SLC35F4: variants seen among roughly 807,000 people sequenced by gnomAD.
The protein encoded by SLC35F4 is solute carrier family 35 member F4.
In SLC35F4, 24 loss-of-function variants were observed where a neutral mutation model predicts 44.2. The observed-to-expected ratio is 0.54, with a 90% CI of 0.39 to 0.76. SLC35F4 has a LOEUF of 0.76. SLC35F4 is among the 30% of genes least tolerant of loss of function. The pLI is 0.00. For synonymous variants in SLC35F4, 238 were observed against 223.6 expected, an observed-to-expected ratio of 1.06 and a Z score of -0.57; for missense variants, 562 against 586.1, an observed-to-expected ratio of 0.96 and a Z score of 0.42.
chr14:57,965,538 T>A (rs1381178180), intron 1 of SLC35F4, among the ~76,000 whole-genome samples: 1 of 152,156 alleles, frequency 6.6e-6, no homozygotes, highest in Non-Finnish European at 1.5e-5. Flanking sequence ...GGGGAGGCAA[T>A]TTTTCTGTCA....
rs1463818058 is a variant in SLC35F4 at position 57,947,265 on chromosome 14, GGTTT to G, written n.282+34644_282+34647del. On this transcript the variant is annotated intron_variant and non_coding_transcript_variant, in intron 1 of 1. Transcript: ENST00000556568. ...GTGGGTTTTTTGTTTTTTTTTTTTT[GGTTT>G]GTTTGTTTGTTTGTTGGGAGCTGTT... 1.6e-3 allele frequency among the ~76,000 whole-genome samples: 217 copies of G among 132,892 alleles called. 2 individuals carry two copies. Among genetic ancestry groups the G allele is most frequent in the East Asian group, 4.9e-3 (19 of 3,856 alleles). The allele number at this position is 132,892 out of a possible 152,430, so 87.2% of individuals were successfully genotyped here.
intron 1 of SLC35F4, among the ~76,000 whole-genome samples, chr14:57,833,965 A>G (rs1289000498): frequency 6.6e-6 from 1 of 152,226 alleles, no homozygotes; most frequent in Non-Finnish European, 1.5e-5. Flanking sequence ...CCCTCTCTTC[A>G]CATGTTAAAA....
chr14:57,784,733 A>C (rs1160194298), intron 1 of SLC35F4, among the ~76,000 whole-genome samples: 1 of 152,116 alleles, frequency 6.6e-6, no homozygotes, highest in Non-Finnish European at 1.5e-5. Context: ...AGTCAAACAA[A>C]AATAACGATG....
chr14:57,844,376 C>T (rs761616105), intron 1 of SLC35F4, among the ~76,000 whole-genome samples: 1 of 152,084 alleles, frequency 6.6e-6, no homozygotes, highest in African/African-American at 2.4e-5. Context: ...CCAATGGGGT[C>T]GATGTTGAAG....
At chr14:57,784,284 C>CTTTTT (rs2077702799) in intron 1 of SLC35F4, among the ~76,000 whole-genome samples, 2 of 152,104 alleles carry the variant, frequency 1.3e-5, no homozygotes, top group South Asian at 4.2e-4. Flanking sequence ...CTAAAGGGTC[C>CTTTTT]CAATTATTCA....
At chr14:57,927,484 ACTTTT>A (rs1233509808) in intron 1 of SLC35F4, among the ~76,000 whole-genome samples, 1 of 144,104 alleles carries the variant, frequency 6.9e-6, no homozygotes, top group African/African-American at 2.6e-5. Context: ...TTTTTTAATT[ACTTTT>A]CTTCTTCTTT....
At chr14:57,744,866 C>G (rs1193430817) in intron 1 of SLC35F4, among the ~76,000 whole-genome samples, 1 of 152,300 alleles carries the variant, frequency 6.6e-6, no homozygotes, top group Admixed American at 6.5e-5. Flanking sequence ...GTAGCCAAAA[C>G]AGCATGGTAC....
chr14:57,710,406 G>A (rs2075788325), intron 1 of SLC35F4, among the ~76,000 whole-genome samples: 1 of 152,100 alleles, frequency 6.6e-6, no homozygotes, highest in African/African-American at 2.4e-5. Flanking sequence ...CTTCCGCTAG[G>A]GCAGTGCAGA....
intron 1 of SLC35F4, among the ~76,000 whole-genome samples, chr14:57,779,464 C>G (rs1355906108): frequency 6.6e-6 from 1 of 152,056 alleles, no homozygotes; most frequent in African/African-American, 2.4e-5. Context: ...AGACCAATAA[C>G]AAGCTCTGAA....
chr14:57,682,456 G>C (rs2074936221), intron 1 of SLC35F4, among the ~76,000 whole-genome samples: 1 of 152,050 alleles, frequency 6.6e-6, no homozygotes, highest in South Asian at 2.1e-4. Flanking sequence ...AGAATATATG[G>C]ACACAGGGAG....
At chr14:57,596,844 C>T (rs759556425) in intron 1 of SLC35F4, 3 of 1,367,578 alleles carry the variant, frequency 2.2e-6, no homozygotes, top group Middle Eastern at 2.1e-4. Flanking sequence ...TGCCTGCTGC[C>T]AGCTGCCTCC....
intron 1 of SLC35F4, among the ~76,000 whole-genome samples, chr14:57,885,131 C>T (rs907106873): frequency 6.6e-6 from 1 of 152,138 alleles, no homozygotes; most frequent in Non-Finnish European, 1.5e-5. Flanking sequence ...CCCCAACACA[C>T]TTTACAATTC....
chr14:57,664,172 G>C (rs1018014200), intron 1 of SLC35F4, among the ~76,000 whole-genome samples: 8 of 152,130 alleles, frequency 5.3e-5, no homozygotes, highest in African/African-American at 1.9e-4. Context: ...AGTTACCAGA[G>C]ACAGATGTGC....
intron 1 of SLC35F4, among the ~76,000 whole-genome samples, chr14:57,710,311 C>A (rs1218187653): frequency 3.9e-5 from 6 of 152,204 alleles, no homozygotes; most frequent in Non-Finnish European, 5.9e-5. Context: ...GCTTTTGGAA[C>A]CTCTGCCTAG....
chr14:57,737,436 C>A (rs1292217222), intron 1 of SLC35F4, among the ~76,000 whole-genome samples: 1 of 152,132 alleles, frequency 6.6e-6, no homozygotes, highest in Non-Finnish European at 1.5e-5. Flanking sequence ...AGCTTGCCAT[C>A]ATCTTTTGAC....
rs185384616 is a variant in SLC35F4, at chr14:57,682,299, G to A, written c.104-88175C>T. Among the ~76,000 whole-genome samples the A allele has an allele frequency of 1.2e-4, 18 of 152,274 alleles. No individual in the cohort carries two copies. In the East Asian group the frequency reaches 2.9e-3, roughly 25 times the overall value. On this transcript the variant is annotated intron_variant, in intron 1 of 7. Transcript: ENST00000556826. Reference sequence around the variant, plus strand: ...AGAAAATGTGGCACATATACACCACGGAATACTATGTAGCCATAAAAAAGA... The same window carrying A: ...AGAAAATGTGGCACATATACACCACAGAATACTATGTAGCCATAAAAAAGA...
intron 1 of SLC35F4, among the ~76,000 whole-genome samples, chr14:57,638,189 G>A (rs2073087714): frequency 6.6e-6 from 1 of 152,090 alleles, no homozygotes. Context: ...TGACACCCTT[G>A]TTCCACAAGC....
chr14:57,701,314 A>G (rs942526434), intron 1 of SLC35F4, among the ~76,000 whole-genome samples: 1 of 152,202 alleles, frequency 6.6e-6, no homozygotes, highest in Admixed American at 6.6e-5. Flanking sequence ...TCCTATGATA[A>G]CAATGCCTTC....
intron 1 of SLC35F4, among the ~76,000 whole-genome samples, chr14:57,959,306 T>C (rs552206214): frequency 6.6e-6 from 1 of 152,358 alleles, no homozygotes; most frequent in East Asian, 1.9e-4. Context: ...AGTTTCCTTT[T>C]TAAAATATTT....
Sources: allele counts gnomAD v4.1 joint callset (sites outside exome capture counted in the v4.1 genomes callset), GRCh38; gene constraint gnomAD v4.1.1; transcripts MANE v1.5; gene names NCBI Gene and HGNC (gene_info 2026-07-23, HGNC 2026-07-21).